Variants in DACH2 observed in about 807,000 individuals in gnomAD.
DACH2 encodes dachshund homolog 2.
DACH2 carries 17 observed loss-of-function variants against 35.8 expected under a neutral mutation model. The observed-to-expected ratio is 0.48, with a 90% CI of 0.33 to 0.71. The LOEUF is 0.71. DACH2 is among the 30% of genes least tolerant of loss of function. The pLI is 0.02. For synonymous variants in DACH2, 195 were observed against 177.3 expected (o/e 1.10, Z -0.79); for missense variants, 469 against 472.7 (o/e 0.99, Z 0.07).
intron 7 of DACH2, among the ~76,000 whole-genome samples, chrX:86,791,540 T>G (rs1362619673): frequency 9.0e-6 from 1 of 111,669 alleles, no homozygotes; most frequent in Non-Finnish European, 1.9e-5. Flanking sequence ...GAGTGCTCTT[T>G]CCTTAAATTA....
At chrX:86,402,113 G>A (rs2036445273) in intron 2 of DACH2, among the ~76,000 whole-genome samples, 1 of 111,825 alleles carries the variant, frequency 8.9e-6, no homozygotes, top group South Asian at 3.7e-4. Context: ...TGTTCCCTTT[G>A]AGAACCAGAA....
intron 3 of DACH2, among the ~76,000 whole-genome samples, chrX:86,579,162 G>A (rs985890392): frequency 1.8e-5 from 2 of 108,342 alleles, no homozygotes; most frequent in African/African-American, 3.4e-5. Flanking sequence ...GCACAATCTC[G>A]GCTCACTGCA....
intron 1 of DACH2, among the ~76,000 whole-genome samples, chrX:86,271,286 C>T (rs192157098): frequency 1.8e-5 from 2 of 112,046 alleles, no homozygotes; most frequent in Non-Finnish European, 3.8e-5. Context: ...ATAGGGCAGT[C>T]CCTAAGTGTT....
At chrX:86,229,870 G>A (rs2032911302) in intron 1 of DACH2, among the ~76,000 whole-genome samples, 1 of 110,717 alleles carries the variant, frequency 9.0e-6, no homozygotes, top group South Asian at 3.9e-4. Flanking sequence ...CTTTCTGGAG[G>A]AGTCCTTAGG....
At chrX:86,780,584 C>G (rs2042080436) in intron 7 of DACH2, among the ~76,000 whole-genome samples, 1 of 112,079 alleles carries the variant, frequency 8.9e-6, no homozygotes, top group South Asian at 3.7e-4. Context: ...ACTTCGTGGG[C>G]ACAAATCAAT....
At chrX:86,252,906 T>A (rs1167346712) in intron 1 of DACH2, among the ~76,000 whole-genome samples, 1 of 110,515 alleles carries the variant, frequency 9.0e-6, no homozygotes, top group Admixed American at 9.7e-5. Flanking sequence ...GTATTGGAAG[T>A]CCTAGTCAGA....
chrX:86,483,529 G>A (rs1332421623), intron 2 of DACH2, among the ~76,000 whole-genome samples: 1 of 111,214 alleles, frequency 9.0e-6, no homozygotes, highest in Non-Finnish European at 1.9e-5. Flanking sequence ...TCTAGAAATA[G>A]TGCTAAGAAA....
intron 1 of DACH2, among the ~76,000 whole-genome samples, chrX:86,156,020 G>A (rs1178292884): frequency 2.7e-5 from 3 of 110,467 alleles, no homozygotes; most frequent in African/African-American, 9.8e-5. Context: ...ATGCCTTTAT[G>A]GTGGTATCTC....
chrX:86,793,395 A>G (rs983862517), intron 7 of DACH2, among the ~76,000 whole-genome samples: 20 of 111,329 alleles, frequency 1.8e-4, no homozygotes, highest in Middle Eastern at 4.7e-3. Context: ...ACTAGTTAAT[A>G]AAATTGATTA....
intron 3 of DACH2, among the ~76,000 whole-genome samples, chrX:86,527,283 G>A (rs1374159165): frequency 1.8e-5 from 2 of 111,589 alleles, no homozygotes; most frequent in Non-Finnish European, 1.9e-5. Flanking sequence ...GCTCACCTAT[G>A]AAACCATCAC....
At chrX:86,463,565 A>G (rs769977549) in intron 2 of DACH2, among the ~76,000 whole-genome samples, 5 of 111,290 alleles carry the variant, frequency 4.5e-5, no homozygotes, top group Non-Finnish European at 7.5e-5. Context: ...CCCAAATCAT[A>G]AAAACCCTAG....
intron 2 of DACH2, among the ~76,000 whole-genome samples, chrX:86,391,974 G>A (rs181091066): frequency 0.014 from 1,542 of 110,683 alleles, 15 homozygotes; most frequent in Non-Finnish European, 0.024. Context: ...TAAATAGTTT[G>A]CAATTTTTTT....
intron 4 of DACH2, among the ~76,000 whole-genome samples, chrX:86,677,321 G>T (rs980797931): frequency 1.8e-5 from 2 of 112,001 alleles, no homozygotes; most frequent in Admixed American, 1.9e-4. Flanking sequence ...AGCTGGCCCT[G>T]CCTTTTCATC....
chrX:86,400,778 A>T, intron 2 of DACH2, among the ~76,000 whole-genome samples: 1 of 111,558 alleles, frequency 9.0e-6, no homozygotes, highest in East Asian at 2.9e-4. Flanking sequence ...GTGAGGTGTC[A>T]GTCTGCCCCT....
intron 2 of DACH2, among the ~76,000 whole-genome samples, chrX:86,466,680 T>C (rs1454584962): frequency 1.8e-5 from 2 of 111,842 alleles, no homozygotes; most frequent in South Asian, 7.5e-4. Context: ...AAACCTGCAG[T>C]AAACTTTTGC....
intron 2 of DACH2, among the ~76,000 whole-genome samples, chrX:86,403,390 C>T (rs974929016): frequency 8.9e-6 from 1 of 111,973 alleles, no homozygotes; most frequent in South Asian, 3.7e-4. Context: ...AGACACTTCT[C>T]AAGAAGAGTC....
intron 3 of DACH2, among the ~76,000 whole-genome samples, chrX:86,620,700 G>C (rs944917073): frequency 4.5e-5 from 5 of 110,215 alleles, no homozygotes; most frequent in Non-Finnish European, 9.5e-5. Flanking sequence ...TTGTGATTGA[G>C]AGACTGTGGA....
chrX:86,420,383 T>G (rs2036781705), intron 2 of DACH2, among the ~76,000 whole-genome samples: 4 of 112,353 alleles, frequency 3.6e-5, no homozygotes, highest in African/African-American at 1.3e-4. Context: ...AATAAATTTT[T>G]GTGACAGACA....
intron 2 of DACH2, among the ~76,000 whole-genome samples, chrX:86,378,357 G>A (rs1001820396): frequency 1.5e-4 from 16 of 109,893 alleles, no homozygotes; most frequent in Non-Finnish European, 2.9e-4. Flanking sequence ...CAGGAGAGTC[G>A]CAAACTCCAA....
Sources: gnomAD v4.1 joint callset for allele counts (sites outside exome capture counted in the v4.1 genomes callset) on GRCh38, gnomAD v4.1.1 for gene constraint, MANE v1.5 for transcripts, NCBI Gene and HGNC (gene_info 2026-07-23, HGNC 2026-07-21) for gene names.